HMCN2: variants seen among roughly 807,000 people sequenced by gnomAD.
HMCN2 encodes hemicentin 2.
HMCN2 carries 325 observed loss-of-function variants against 377.5 expected under a neutral mutation model. The observed-to-expected ratio is 0.86, with a 90% CI of 0.79 to 0.94. The LOEUF (loss-of-function observed/expected upper bound fraction) is 0.94, where lower values mean the gene tolerates loss of function less well. Among genes scored for constraint, HMCN2 ranks in the 40% least tolerant of loss-of-function variants. The pLI, the probability that HMCN2 is intolerant of heterozygous loss-of-function variation, is 0.00. For missense variants in HMCN2, 4,543 were observed against 4,725.3 expected (o/e 0.96, Z 1.13); for synonymous variants, 2,007 against 2,046.8 (o/e 0.98, Z 0.53).
intron 4 of HMCN2, among the ~76,000 whole-genome samples, chr9:130,292,544 G>A (rs1426896889): frequency 3.3e-5 from 5 of 152,156 alleles, no homozygotes; most frequent in African/African-American, 9.7e-5. Context: ...CTTTCTCTTC[G>A]ATTAAGGAGT....
At chr9:130,278,282 G>A (rs1056914118) in intron 1 of HMCN2, among the ~76,000 whole-genome samples, 15 of 151,578 alleles carry the variant, frequency 9.9e-5, no homozygotes, top group Middle Eastern at 3.4e-3. Context: ...CCACCACCAC[G>A]CCCGGCTAAT....
intron 1 of HMCN2, among the ~76,000 whole-genome samples, chr9:130,275,887 C>T (rs189743007): frequency 8.1e-5 from 10 of 123,742 alleles, no homozygotes; most frequent in Non-Finnish European, 1.7e-4. Context: ...TCTGAGCGGC[C>T]CGTGAGGTGT....
intron 82 of HMCN2, chr9:130,407,269 C>T (rs765668165): frequency 5.8e-6 from 1 of 170,994 alleles, no homozygotes; most frequent in Admixed American, 5.9e-5. Context: ...AAAAAAGAAA[C>T]CTTCTCTCTA....
At position 130,428,508 on chromosome 9, in the gene HMCN2, G is replaced by T; in HGVS notation, c.14197+19G>T. On this transcript the variant is annotated intron_variant, in intron 93 of 97. Transcript: ENST00000683500. The surrounding 1 kb of genome is among the most constrained non-coding windows in gnomAD (Gnocchi z 5.0). ...TGTGAAGGTGATGGGGGCACAGCAT[G>T]CGGCCTGTCCATACTCCTGGAAACC... 2 of 1,537,398 alleles carry T rather than the reference G, an allele frequency of 1.3e-6. No individual in the cohort carries two copies. Among genetic ancestry groups the T allele is most frequent in the East Asian group, 4.9e-5 (2 of 40,912 alleles).
rs936281959 is a variant in HMCN2 at position 130,394,443 on chromosome 9, C to T, written c.10560C>T (p.Ala3520=). The T allele has an allele frequency of 4.7e-6, 6 of 1,289,762 alleles. No individual in the cohort carries two copies. The African/African-American group carries it at 9.1e-5, about 20-fold the overall frequency. 79.9% of individuals were successfully genotyped at this position (1,289,762 alleles called of 1,614,324 possible). A position where few individuals can be genotyped will look rare whatever the true frequency, so the allele number is the denominator to read the frequency against. ...CAGAGCTGTCGCTGACCCCCGGCGC[C>T]CCCATGGAGCTCCTCTGTGATGCCC... ...QPTELSLTPG[A]PMELLCDAQG... Residue 3520 remains alanine (A), a synonymous_variant, in exon 69 of 98, where the codon GCC becomes GCT. Coordinates refer to ENST00000683500, the MANE Select transcript of HMCN2 (RefSeq NM_001291815.2). The surrounding 1 kb of genome is among the most constrained non-coding windows in gnomAD (Gnocchi z 5.1).
intron 2 of HMCN2, among the ~76,000 whole-genome samples, chr9:130,284,946 A>G (rs1402432999): frequency 6.6e-6 from 1 of 152,176 alleles, no homozygotes; most frequent in African/African-American, 2.4e-5. Context: ...TCACTCTTGC[A>G]TGGATGAATG....
intron 15 of HMCN2, among the ~76,000 whole-genome samples, chr9:130,312,596 CTT>C (rs1190934367): frequency 1.1e-5 from 1 of 91,902 alleles, no homozygotes; most frequent in Non-Finnish European, 2.0e-5. Flanking sequence ...TTCTTTCTTT[CTT>C]TCTTTCTTTC....
At chr9:130,425,991 A>AC in intron 90 of HMCN2, 67 bp downstream of exon 90, 1 of 1,219,812 alleles carries the variant, frequency 8.2e-7, no homozygotes, top group South Asian at 1.4e-5. Flanking sequence ...GCCCAAATGC[A>AC]CGTGGCTGGA....
rs1435448714 is a variant in HMCN2 at position 130,393,239 on chromosome 9, T to G, written c.10164T>G (p.Ala3388=). 1.0e-6 allele frequency: 1 copy of G among 988,234 alleles called. No homozygotes were observed. The highest frequency in any genetic ancestry group is 1.7e-5 in the African/African-American group (1 of 57,310). 61.2% of individuals were successfully genotyped at this position (988,234 alleles called of 1,614,324 possible). A position where few individuals can be genotyped will look rare whatever the true frequency, so the allele number is the denominator to read the frequency against. ...LRISKVQLAD[A]GIFTCVAASP... ...TTTCCAAGGTGCAATTGGCAGACGC[T>G]GGCATCTTCACCTGTGTGGCCGCAA... The change falls in exon 67 of 98, where the codon GCT becomes GCG. Residue 3388 remains alanine (A), a synonymous_variant. Coordinates refer to ENST00000683500, the MANE Select transcript of HMCN2 (RefSeq NM_001291815.2). The surrounding 1 kb of genome is among the most constrained non-coding windows in gnomAD (Gnocchi z 5.2).
chr9:130,398,714 A>G lies in HMCN2; in HGVS notation c.11483+7A>G, dbSNP rs1039720968. The G allele has an allele frequency of 7.8e-7, 1 of 1,288,510 alleles. No individual in the cohort carries two copies. Among genetic ancestry groups the G allele is most frequent in the Non-Finnish European group, 1.0e-6 (1 of 988,094 alleles). The allele number at this position is 1,288,510 out of a possible 1,614,324, so 79.8% of individuals were successfully genotyped here. On this transcript the variant is annotated splice_region_variant and intron_variant, in intron 75 of 97. Coordinates refer to ENST00000683500, the MANE Select transcript of HMCN2 (RefSeq NM_001291815.2). The stretch of plus-strand genomic sequence containing the variant: ...TGCAGCAGGGCGCCTACCGGTAACG[A>G]GCTGGACTTTGCGGTGGCTTCCTGA...
At chr9:130,290,091 G>A (rs567010958) in intron 4 of HMCN2, among the ~76,000 whole-genome samples, 104 of 152,294 alleles carry the variant, frequency 6.8e-4, no homozygotes, top group African/African-American at 2.3e-3. Flanking sequence ...CCAGTGCATC[G>A]CAGGCTCGCT....
chr9:130,407,838 C>T, intron 83 of HMCN2, 133 bp downstream of exon 83: 2 of 591,818 alleles, frequency 3.4e-6, no homozygotes, highest in Non-Finnish European at 4.6e-6. Flanking sequence ...ATGTTAGAAT[C>T]CCCTGGGGGA....
intron 77 of HMCN2, among the ~76,000 whole-genome samples, chr9:130,401,365 C>T (rs984846797): frequency 1.4e-4 from 22 of 152,018 alleles, no homozygotes; most frequent in African/African-American, 5.3e-4. Context: ...GCTCTGTTGC[C>T]CAGGCTGGAG....
Position 130,425,682 on chromosome 9 carries a change from T to C in HMCN2, c.13642-5T>C. ...CCTCCTCCTCCCCTCCTCTTCATCC[T>C]GCAGGACTTTGAGGAGCACTACGTG... On this transcript the variant is annotated splice_region_variant and splice_polypyrimidine_tract_variant and intron_variant, in intron 89 of 97. Coordinates refer to ENST00000683500, the MANE Select transcript of HMCN2 (RefSeq NM_001291815.2). 2 of 824,578 alleles carry C rather than the reference T, an allele frequency of 2.4e-6. No individual in the cohort carries two copies. The highest frequency in any genetic ancestry group is 3.6e-6 in the Non-Finnish European group (2 of 560,316). 51.1% of individuals were successfully genotyped at this position (824,578 alleles called of 1,614,324 possible).
rs1240068732 is a variant in HMCN2 at position 130,348,549 on chromosome 9, C to T, written c.4029C>T (p.Pro1343=). ...SRRAKLVVYV[P]PSIREDGRKA... The stretch of plus-strand genomic sequence containing the variant: ...TCGGCTCTCCTTGCCCCCAAGTGCC[C>T]CCCAGCATCCGGGAGGACGGGCGCA... Residue 1343 remains proline (P), a synonymous_variant, in exon 27 of 98, where the codon CCC becomes CCT. Coordinates refer to ENST00000683500, the MANE Select transcript of HMCN2 (RefSeq NM_001291815.2). 4.6e-6 allele frequency: 6 copies of T among 1,303,850 alleles called. No individual in the cohort carries two copies. The Admixed American group carries it at 6.9e-5, about 15-fold the overall frequency. 80.8% of individuals were successfully genotyped at this position (1,303,850 alleles called of 1,614,324 possible).
At chr9:130,409,137 A>G (rs989026719) in intron 84 of HMCN2, among the ~76,000 whole-genome samples, 4 of 152,176 alleles carry the variant, frequency 2.6e-5, no homozygotes, top group African/African-American at 7.2e-5. Flanking sequence ...TCATCCACCC[A>G]TTCAATGGAG....
rs1844553365 is a variant in HMCN2 at position 130,428,873 on chromosome 9, C to T, written c.14197+384C>T. Among the ~76,000 whole-genome samples the T allele has an allele frequency of 6.6e-6, 1 of 152,226 alleles. No individual in the cohort carries two copies. The highest frequency in any genetic ancestry group is 2.4e-5 in the African/African-American group (1 of 41,444). ...TGAATCCTTCTTGACGCAGCAGCCCCTGCAGCCACAGTGGAACAGGTTCAG... is the reference window on the plus strand; with the variant it reads ...TGAATCCTTCTTGACGCAGCAGCCCTTGCAGCCACAGTGGAACAGGTTCAG... On this transcript the variant is annotated intron_variant, in intron 93 of 97. Transcript: ENST00000683500. This position sits in a 1 kb window ranked among gnomAD's most constrained non-coding sequence, Gnocchi z 5.0.
At chr9:130,336,556 G>A (rs981058957) in intron 22 of HMCN2, among the ~76,000 whole-genome samples, 2 of 152,148 alleles carry the variant, frequency 1.3e-5, no homozygotes, top group Admixed American at 6.5e-5. Flanking sequence ...CACAGCTAGC[G>A]CATGGCCTAG....
intron 1 of HMCN2, among the ~76,000 whole-genome samples, chr9:130,274,075 C>T (rs574177567): frequency 3.4e-5 from 5 of 147,848 alleles, no homozygotes; most frequent in Admixed American, 6.7e-5. Flanking sequence ...TTTTGAGAGA[C>T]GGAGTCTCAC....
Sources: allele counts gnomAD v4.1 joint callset (sites outside exome capture counted in the v4.1 genomes callset), GRCh38; gene constraint gnomAD v4.1.1; non-coding constraint Gnocchi (gnomAD v3.1); transcripts MANE v1.5; gene names NCBI Gene and HGNC (gene_info 2026-07-23, HGNC 2026-07-21).